Variants in KANSL1 observed in about 807,000 individuals in gnomAD.
KANSL1 encodes the protein MLL1/MLL complex subunit KANSL1.
KANSL1 carries 22 observed loss-of-function variants against 103.6 expected under a neutral mutation model. The ratio of observed to expected loss-of-function variants is 0.21; its 90% CI spans 0.15 to 0.30. The LOEUF (loss-of-function observed/expected upper bound fraction) is 0.30. KANSL1 is among the 10% of genes least tolerant of loss of function. The pLI is 1.00. For synonymous variants in KANSL1, 600 were observed against 527.6 expected, an observed-to-expected ratio of 1.14 and a Z score of -1.88; for missense variants, 1,337 against 1,399.8, an observed-to-expected ratio of 0.96 and a Z score of 0.72.
At chr17:46,164,720 A>C (rs962582501) in intron 2 of KANSL1, among the ~76,000 whole-genome samples, 2 of 152,252 alleles carry the variant, frequency 1.3e-5, no homozygotes, top group African/African-American at 4.8e-5. Context: ...CCAATGCAAA[A>C]AAATGGTGAT....
intron 1 of KANSL1, among the ~76,000 whole-genome samples, chr17:46,183,417 T>TA (rs1410048800): frequency 6.6e-6 from 1 of 150,958 alleles, no homozygotes; most frequent in Non-Finnish European, 1.5e-5. Context: ...ACCCAGTCTC[T>TA]AAAAAAATAA....
intron 1 of KANSL1, among the ~76,000 whole-genome samples, chr17:46,204,011 G>A (rs1215652597): frequency 5.9e-5 from 9 of 152,092 alleles, no homozygotes; most frequent in Non-Finnish European, 8.8e-5. Flanking sequence ...CCTGTCTCAC[G>A]GGTAGGGGAG....
intron 2 of KANSL1, among the ~76,000 whole-genome samples, chr17:46,122,957 G>A (rs1403830876): frequency 1.3e-5 from 2 of 152,266 alleles, no homozygotes; most frequent in South Asian, 2.1e-4. Flanking sequence ...TTGAAATTAG[G>A]CCAATTAGTA....
intron 2 of KANSL1, among the ~76,000 whole-genome samples, chr17:46,102,002 T>C (rs1360420804): frequency 1.3e-5 from 2 of 152,118 alleles, no homozygotes; most frequent in Non-Finnish European, 2.9e-5. Context: ...AGTAGTCTAT[T>C]AGAATAGACA....
chr17:46,064,587 T>C (rs187732219), intron 6 of KANSL1, among the ~76,000 whole-genome samples: 7 of 152,310 alleles, frequency 4.6e-5, no homozygotes, highest in Admixed American at 3.9e-4. Context: ...TCAGCCTTCA[T>C]CTTACTGATC....
rs146272290 is a variant in KANSL1 at position 46,100,774 on chromosome 17, G to A, written c.1290-6073C>T. 5.0e-3 allele frequency among the ~76,000 whole-genome samples: 755 copies of A among 152,312 alleles called. 4 individuals are homozygous for A. The highest frequency in any genetic ancestry group is 8.2e-3 in the Non-Finnish European group (559 of 68,022). On this transcript the variant is annotated intron_variant, in intron 2 of 14. Coordinates refer to ENST00000432791, the MANE Select transcript of KANSL1 (RefSeq NM_015443.4). ...ATTTGTATGTCAATCCAGTAGAACA[G>A]GGCTGGTGGATTATGCTTCTCTTCC...
intron 2 of KANSL1, among the ~76,000 whole-genome samples, chr17:46,164,777 A>C (rs1012881406): frequency 5.3e-5 from 8 of 152,236 alleles, no homozygotes; most frequent in Non-Finnish European, 1.0e-4. Context: ...GTCACATTTC[A>C]AAGTAGTTTG....
intron 1 of KANSL1, among the ~76,000 whole-genome samples, chr17:46,207,679 A>AT (rs1423598611): frequency 5.9e-5 from 9 of 152,262 alleles, no homozygotes; most frequent in Non-Finnish European, 1.3e-4. Context: ...CAATAAGCAC[A>AT]TGAAAAGATC....
chr17:46,172,535 T>C lies in KANSL1; in HGVS notation c.-89-303A>G, dbSNP rs12451674. Among the ~76,000 whole-genome samples the C allele has an allele frequency of 5.0e-3, 765 of 151,534 alleles. 17 individuals carry two copies. The highest frequency in any genetic ancestry group is 0.018 in the African/African-American group (738 of 41,438). ...AAAATCACAGATTGTTAAAATTAAA[T>C]CATCTCCATTAAAAAAAAATCTCTT... On this transcript the variant is annotated intron_variant, in intron 1 of 14. Coordinates refer to ENST00000432791, the MANE Select transcript of KANSL1 (RefSeq NM_015443.4).
chr17:46,147,661 C>T (rs570777983), intron 2 of KANSL1, among the ~76,000 whole-genome samples: 39 of 150,786 alleles, frequency 2.6e-4, no homozygotes, highest in Middle Eastern at 6.8e-3. Flanking sequence ...ACTACATAAT[C>T]ACATTATCTC....
intron 1 of KANSL1, among the ~76,000 whole-genome samples, chr17:46,189,341 A>C (rs2047196550): frequency 6.6e-6 from 1 of 152,176 alleles, no homozygotes. Flanking sequence ...AAACTCAAGG[A>C]ATGGAACGGA....
intron 6 of KANSL1, among the ~76,000 whole-genome samples, chr17:46,055,375 G>A (rs1057147981): frequency 6.6e-6 from 1 of 151,154 alleles, no homozygotes; most frequent in South Asian, 2.1e-4. Flanking sequence ...TGAGGCAGAA[G>A]AATCGCTTGA....
chr17:46,209,944 A>G (rs2696464), intron 1 of KANSL1, among the ~76,000 whole-genome samples: 21,953 of 152,220 alleles, frequency 0.14, 2,136 homozygotes, highest in Non-Finnish European at 0.22. Flanking sequence ...TCAACTTCTG[A>G]CATATTAGGT....
At chr17:46,196,006 G>A (rs951638940), upstream of KANSL1, 2 of 207,624 alleles carry the variant, frequency 9.6e-6, no homozygotes, top group Non-Finnish European at 2.0e-5. Flanking sequence ...CTTTGGGAGG[G>A]TGAGGTGGGA....
intron 6 of KANSL1, among the ~76,000 whole-genome samples, chr17:46,056,675 A>C (rs536431908): frequency 9.9e-5 from 15 of 152,226 alleles, no homozygotes; most frequent in Non-Finnish European, 2.1e-4. Flanking sequence ...GTATAATATG[A>C]TCATTGATAA....
At chr17:46,201,899 C>T (rs1304933021) in intron 1 of KANSL1, among the ~76,000 whole-genome samples, 1 of 152,188 alleles carries the variant, frequency 6.6e-6, no homozygotes, top group Non-Finnish European at 1.5e-5. Context: ...CCCAGCTACA[C>T]AGGAAGCCAA....
intron 1 of KANSL1, among the ~76,000 whole-genome samples, chr17:46,205,680 C>CAAAAAAAAAAAAAAAAA (rs56154541): frequency 1.1e-5 from 1 of 93,118 alleles, no homozygotes; most frequent in Non-Finnish European, 2.0e-5. Flanking sequence ...GACACTGTCT[C>CAAAAAAAAAAAAAAAAA]AAAAAAAAAA....
At chr17:46,097,795 TA>T (rs1218128920) in intron 2 of KANSL1, among the ~76,000 whole-genome samples, 13 of 151,580 alleles carry the variant, frequency 8.6e-5, no homozygotes, top group Non-Finnish European at 1.6e-4. Context: ...CAGTCTCCCA[TA>T]GGGGCAAAAT....
intron 7 of KANSL1, chr17:46,043,851 A>T (rs1568380241): frequency 6.6e-6 from 1 of 152,330 alleles, no homozygotes; most frequent in East Asian, 1.9e-4. Context: ...AAGCGGAATC[A>T]AGAGCGATTC....
Sources: gnomAD v4.1 joint callset for allele counts (sites outside exome capture counted in the v4.1 genomes callset) on GRCh38, gnomAD v4.1.1 for gene constraint, MANE v1.5 for transcripts, NCBI Gene and HGNC (gene_info 2026-07-23, HGNC 2026-07-21) for gene names.